ACTN1: variants seen among roughly 807,000 people sequenced by gnomAD.
ACTN1 encodes the protein alpha-actinin-1.
A neutral mutation model predicts 119.6 loss-of-function variants in ACTN1; 30 were observed. The observed-to-expected ratio is 0.25, with a 90% CI of 0.19 to 0.34. The LOEUF is 0.34. Among genes scored for constraint, ACTN1 ranks in the 10% least tolerant of loss-of-function variants. The pLI is 1.00. For missense variants in ACTN1, 764 were observed against 1,223.4 expected (o/e 0.62, Z 5.60); for synonymous variants, 429 against 472.6 (o/e 0.91, Z 1.20).
chr14:68,976,363 TAGAA>T (rs2037060265), intron 1 of ACTN1, among the ~76,000 whole-genome samples: 1 of 152,060 alleles, frequency 6.6e-6, no homozygotes, highest in Non-Finnish European at 1.5e-5. Context: ...TCCCAGTCAG[TAGAA>T]AGAGTGTCAA....
At chr14:68,926,408 T>C (rs1014006373) in intron 1 of ACTN1, among the ~76,000 whole-genome samples, 2 of 152,236 alleles carry the variant, frequency 1.3e-5, no homozygotes, top group Non-Finnish European at 2.9e-5. Context: ...CAGCACCAGC[T>C]AGTGGCTCAA....
chr14:68,924,134 G>A (rs75681796), intron 2 of ACTN1, among the ~76,000 whole-genome samples: 6,900 of 152,278 alleles, frequency 0.045, 216 homozygotes, highest in Non-Finnish European at 0.069. Context: ...GCGAGCTAGT[G>A]TTGAACAGCT....
rs116219860 is a variant in ACTN1 at position 68,916,762 on chromosome 14, G to A, written c.340+4244C>T. Among the ~76,000 whole-genome samples, 1,370 of 152,292 alleles carry A rather than the reference G, an allele frequency of 9.0e-3. 9 individuals carry two copies. The highest frequency in any genetic ancestry group is 0.028 in the African/African-American group (1,143 of 41,550). On this transcript the variant is annotated intron_variant, in intron 3 of 21. Coordinates refer to ENST00000394419, the MANE Select transcript of ACTN1 (RefSeq NM_001130004.2). ...AAAACCTTGGTGACAGATTAACAGC[G>A]TCTGTAATGTAGACCTTCTTGGTCT... is the stretch of plus-strand genomic sequence containing the variant.
chr14:68,936,674 G>C, intron 1 of ACTN1: 1 of 626,540 alleles, frequency 1.6e-6, no homozygotes, highest in Non-Finnish European at 3.1e-6. Context: ...GAGCCTGGCC[G>C]GGTGAAGTCC....
intron 1 of ACTN1, among the ~76,000 whole-genome samples, chr14:68,971,491 T>A (rs10136609): frequency 0.022 from 3,294 of 152,308 alleles, 82 homozygotes; most frequent in African/African-American, 0.065. Context: ...GCAAAATGAA[T>A]GGCTCCCTTT....
At chr14:68,903,713 C>T (rs760420850) in intron 7 of ACTN1, among the ~76,000 whole-genome samples, 3 of 152,138 alleles carry the variant, frequency 2.0e-5, no homozygotes, top group South Asian at 2.1e-4. Context: ...GGGGCAAGCG[C>T]GGAGGTGGGA....
intron 1 of ACTN1, among the ~76,000 whole-genome samples, chr14:68,960,036 A>T (rs2036476106): frequency 6.6e-6 from 1 of 152,232 alleles, no homozygotes; most frequent in Non-Finnish European, 1.5e-5. Flanking sequence ...AATCATAAGG[A>T]AGAGAAACTA....
intron 8 of ACTN1, among the ~76,000 whole-genome samples, chr14:68,894,766 C>T (rs766729474): frequency 5.9e-5 from 9 of 151,916 alleles, no homozygotes; most frequent in Non-Finnish European, 1.2e-4. Context: ...AGAAGGGTGC[C>T]CTGCAGATGA....
intron 1 of ACTN1, chr14:68,978,205 C>A: frequency 2.2e-6 from 1 of 456,280 alleles, no homozygotes. Flanking sequence ...CAACTCGAAC[C>A]GAGCTGCCCA....
At chr14:68,939,444 T>A (rs1028222514) in intron 1 of ACTN1, among the ~76,000 whole-genome samples, 1 of 152,040 alleles carries the variant, frequency 6.6e-6, no homozygotes, top group South Asian at 2.1e-4. Flanking sequence ...GTGAAAATAG[T>A]AATAATAAAA....
intron 3 of ACTN1, among the ~76,000 whole-genome samples, chr14:68,915,640 A>G (rs1367752511): frequency 6.6e-6 from 1 of 152,246 alleles, no homozygotes; most frequent in East Asian, 1.9e-4. Flanking sequence ...GAGCTAACAC[A>G]GGCCTGCCAT....
chr14:68,902,345 G>T, intron 8 of ACTN1, 132 bp downstream of exon 8: 1 of 752,758 alleles, frequency 1.3e-6, no homozygotes, highest in Non-Finnish European at 2.3e-6. Flanking sequence ...CAGAACTAGG[G>T]ACTGCCTCTG....
intron 21 of ACTN1, 164 bp from the exon 22 acceptor site, chr14:68,875,181 T>C: frequency 6.7e-7 from 1 of 1,502,962 alleles, no homozygotes; most frequent in Non-Finnish European, 8.9e-7. Flanking sequence ...TCCACACATG[T>C]ACATACCGCA....
intron 3 of ACTN1, among the ~76,000 whole-genome samples, chr14:68,915,714 G>A (rs964860844): frequency 6.6e-6 from 1 of 152,222 alleles, no homozygotes. Flanking sequence ...CTGGGACGAA[G>A]TACGACAAAC....
At chr14:68,972,619 G>A (rs1049034625) in intron 1 of ACTN1, among the ~76,000 whole-genome samples, 9 of 152,146 alleles carry the variant, frequency 5.9e-5, no homozygotes, top group Non-Finnish European at 8.8e-5. Flanking sequence ...TTCCATCACC[G>A]GGGTTTTGTT....
intron 1 of ACTN1, among the ~76,000 whole-genome samples, chr14:68,928,046 G>A (rs569337715): frequency 1.3e-5 from 2 of 152,114 alleles, no homozygotes; most frequent in African/African-American, 2.4e-5. Flanking sequence ...CCAGCAACTC[G>A]AAGGGATGCT....
In ACTN1 at chr14:68,907,424, C is replaced by T. The variant is rs186219703; in HGVS notation, c.594+1894G>A. 4.7e-5 allele frequency among the ~76,000 whole-genome samples: 7 copies of T among 147,588 alleles called. No individual in the cohort carries two copies. In the Admixed American group the frequency reaches 4.8e-4, roughly 10 times the overall value. ...ACTAAAAATACAAAAATTAGCCAGGCGTGCTGGCGTGCGCCTGTAATCCCA... is the reference window on the plus strand; with the variant it reads ...ACTAAAAATACAAAAATTAGCCAGGTGTGCTGGCGTGCGCCTGTAATCCCA... On this transcript the variant is annotated intron_variant, in intron 6 of 21. Transcript: ENST00000394419.
At chr14:68,889,123 TC>T (rs1490420723) in intron 11 of ACTN1, among the ~76,000 whole-genome samples, 1 of 152,162 alleles carries the variant, frequency 6.6e-6, no homozygotes, top group African/African-American at 2.4e-5. Flanking sequence ...GGCAGCCTGT[TC>T]CCCACCTCCA....
chr14:68,927,235 T>G lies in ACTN1; in HGVS notation c.106-1563A>C, dbSNP rs1044127657. Among the ~76,000 whole-genome samples, 7 of 152,154 alleles carry G rather than the reference T, an allele frequency of 4.6e-5. No homozygotes were observed. The South Asian group carries it at 1.4e-3, about 32-fold the overall frequency. On this transcript the variant is annotated intron_variant, in intron 1 of 21. Coordinates refer to ENST00000394419, the MANE Select transcript of ACTN1 (RefSeq NM_001130004.2). ...CTCATCTTTCAAGACTGGGTAGAGA[T>G]ATCACCTCCTCCAGGAAGCCTTCCT...
Sources: allele counts gnomAD v4.1 joint callset (sites outside exome capture counted in the v4.1 genomes callset), GRCh38; gene constraint gnomAD v4.1.1; transcripts MANE v1.5; gene names NCBI Gene and HGNC (gene_info 2026-07-23, HGNC 2026-07-21).